Variants in EIF5 observed in about 807,000 individuals in gnomAD.
EIF5 encodes eukaryotic translation initiation factor 5.
Under a neutral mutation model 48.3 loss-of-function variants are expected in EIF5, and 10 were observed. The ratio of observed to expected loss-of-function variants is 0.21; its 90% CI spans 0.13 to 0.35. The LOEUF (loss-of-function observed/expected upper bound fraction) is 0.35, where lower values mean the gene tolerates loss of function less well. Among genes scored for constraint, EIF5 ranks in the 10% least tolerant of loss-of-function variants. The pLI is 1.00. For synonymous variants in EIF5, 237 were observed against 173.1 expected (o/e 1.37, Z -2.90); for missense variants, 397 against 533.2 (o/e 0.74, Z 2.51).
Position 103,337,012 on chromosome 14 carries a change from TG to T in EIF5, c.328-103del, listed in dbSNP as rs1188302477. The T allele has an allele frequency of 2.2e-6, 3 of 1,350,080 alleles. No homozygotes were observed. In the African/African-American group the frequency reaches 4.5e-5, roughly 20 times the overall value. 83.6% of individuals were successfully genotyped at this position (1,350,080 alleles called of 1,614,324 possible). A position where few individuals can be genotyped will look rare whatever the true frequency, so the allele number is the denominator to read the frequency against. On this transcript the variant is annotated intron_variant, in intron 5 of 11. Transcript: ENST00000216554. Reference sequence around the variant, plus strand: ...CTTTTTTTTAAAGTAGGTCACTGTGTGAAAAAAGTTTTCTTTGCATGTGAAG... The same window carrying T: ...CTTTTTTTTAAAGTAGGTCACTGTGTAAAAAAGTTTTCTTTGCATGTGAAG...
In EIF5 at chr14:103,342,589, T is replaced by C. The variant is rs188180915; in HGVS notation, c.*1537T>C. The C allele has an allele frequency of 2.6e-5, 4 of 152,608 alleles. No individual in the cohort carries two copies. The highest frequency in any genetic ancestry group is 2.6e-4 in the Admixed American group (4 of 15,304). The allele number at this position is 152,608 out of a possible 1,614,324, so 9.5% of individuals were successfully genotyped here. A position where few individuals can be genotyped will look rare whatever the true frequency, so the allele number is the denominator to read the frequency against. On this transcript the variant is annotated 3_prime_UTR_variant, in exon 12 of 12. Coordinates refer to ENST00000216554, the MANE Select transcript of EIF5 (RefSeq NM_001969.5). ...AATAACAAATAGGCGTAAAAAAATT[T>C]TCACATTGAAATGATAGAAACATTT...
intron 8 of EIF5, 60 bp downstream of exon 8, chr14:103,338,953 T>A (rs370173098): frequency 6.3e-7 from 1 of 1,575,744 alleles, no homozygotes. Flanking sequence ...TGCCTTTAGA[T>A]ATATGATACT....
intron 4 of EIF5, 60 bp from the exon 5 acceptor site, chr14:103,336,617 A>T: frequency 7.1e-7 from 1 of 1,411,664 alleles, no homozygotes; most frequent in South Asian, 1.4e-5. Context: ...TACAAATGTG[A>T]GTGAGTAGCC....
Position 103,337,139 on chromosome 14 carries a change from A to T in EIF5, c.351A>T (p.Thr117=), listed in dbSNP as rs1215961549. ...TDLHVNPKKQ[T]IGNSCKACGY... is the part of the protein sequence containing the mutation. ...AGCATGTCAATCCAAAGAAGCAAAC[A>T]ATAGGTAATTCTTGTAAAGCCTGTG... Residue 117 remains threonine (T), a synonymous_variant, in exon 6 of 12, where the codon ACA becomes ACT. Transcript: ENST00000216554. The T allele has an allele frequency of 1.2e-6, 2 of 1,611,950 alleles. No homozygotes were observed. Among genetic ancestry groups the T allele is most frequent in the Non-Finnish European group, 1.7e-6 (2 of 1,179,530 alleles).
chr14:103,340,054 A>T (rs562719667), intron 10 of EIF5, among the ~76,000 whole-genome samples: 3 of 152,188 alleles, frequency 2.0e-5, no homozygotes, highest in Admixed American at 2.0e-4. Flanking sequence ...ATGGGGTTTT[A>T]CCATGTTGGC....
intron 10 of EIF5, among the ~76,000 whole-genome samples, 199 bp from the exon 11 acceptor site, chr14:103,340,228 G>A (rs1379511249): frequency 2.6e-5 from 4 of 152,222 alleles, no homozygotes; most frequent in Non-Finnish European, 4.4e-5. Context: ...TGCCTGTGCT[G>A]TAGATTGTGA....
At position 103,341,212 on chromosome 14, in the gene EIF5, A is replaced by AT. The variant is rs1185895682; in HGVS notation, c.*161dup. On this transcript the variant is annotated 3_prime_UTR_variant, in exon 12 of 12. Transcript: ENST00000216554. ...TGTGAGTGGTCTGTTATTAAGCCCA[A>AT]TGAGACATCTAGGGAGTCCATACAC... is the stretch of plus-strand genomic sequence containing the variant. 1.6e-6 allele frequency: 1 copy of AT among 635,056 alleles called. No homozygotes were observed. The highest frequency in any genetic ancestry group is 2.8e-6 in the Non-Finnish European group (1 of 355,212). 39.3% of individuals were successfully genotyped at this position (635,056 alleles called of 1,614,324 possible). A position where few individuals can be genotyped will look rare whatever the true frequency, so the allele number is the denominator to read the frequency against.
chr14:103,338,524 G>A (rs2089316670), intron 7 of EIF5, 52 bp downstream of exon 7: 1 of 1,530,222 alleles, frequency 6.5e-7, no homozygotes, highest in South Asian at 1.2e-5. Context: ...TAAAGTATAT[G>A]GCATTTGGTT....
At chr14:103,337,925 T>G (rs1298341317) in intron 6 of EIF5, 1 of 526,202 alleles carries the variant, frequency 1.9e-6, no homozygotes, top group Admixed American at 1.9e-5. Flanking sequence ...TCTAACCTAT[T>G]CCGGTGTTCT....
At chr14:103,334,639 A>G (rs1050684339) in intron 2 of EIF5, 42 bp downstream of exon 2, 2 of 149,822 alleles carry the variant, frequency 1.3e-5, no homozygotes, top group Non-Finnish European at 3.0e-5. Context: ...GCGGCCGCAC[A>G]AGATGGCGGC....
rs1252173289 is a variant in EIF5 at position 103,340,549 on chromosome 14, T to G, written c.1194T>G (p.Asp398Glu). ...CTGGTGGCGAAGAAGAAGATGAAGATGAGAACATTGAGGTAAACATTGGGG... is the reference window on the plus strand; with the variant it reads ...CTGGTGGCGAAGAAGAAGATGAAGAGGAGAACATTGAGGTAAACATTGGGG... The part of the protein sequence containing the change: ...ESSGGEEEDE[D>E]ENIEVVYSKA... The change falls in exon 11 of 12, where the codon GAT (aspartate) becomes GAG (glutamate). Residue 398 changes from aspartate to glutamate, a missense_variant. Transcript: ENST00000216554. The G allele has an allele frequency of 6.2e-7, 1 of 1,611,606 alleles. No homozygotes were observed. The highest frequency in any genetic ancestry group is 8.5e-7 in the Non-Finnish European group (1 of 1,177,968).
rs533459104 is a variant in EIF5 at position 103,340,677 on chromosome 14, T to C, written c.1206+116T>C. 13 of 1,356,284 alleles carry C rather than the reference T, an allele frequency of 9.6e-6. No individual in the cohort carries two copies. The African/African-American group carries it at 1.2e-4, about 12-fold the overall frequency. 84.0% of individuals were successfully genotyped at this position (1,356,284 alleles called of 1,614,324 possible). On this transcript the variant is annotated intron_variant, in intron 11 of 11. Coordinates refer to ENST00000216554, the MANE Select transcript of EIF5 (RefSeq NM_001969.5). ...TTGGGGTAATTTCAGGTTTAGAATT[T>C]AAGATGCAGTAAAATACAGCCTCTC...
At position 103,344,052 on chromosome 14, in the gene EIF5, T is replaced by G. The variant is rs1057364806; in HGVS notation, c.*3000T>G. ...AACAGTGTTGCACTTTCGTTGCATG[T>G]GCTGTGTGACCCCAAGGGGACAGGG... On this transcript the variant is annotated 3_prime_UTR_variant, in exon 12 of 12. Coordinates refer to ENST00000216554, the MANE Select transcript of EIF5 (RefSeq NM_001969.5). The G allele has an allele frequency of 1.3e-5, 2 of 152,222 alleles. No homozygotes were observed. Among genetic ancestry groups the G allele is most frequent in the East Asian group, 3.8e-4 (2 of 5,198 alleles). The allele number at this position is 152,222 out of a possible 1,614,324, so 9.4% of individuals were successfully genotyped here.
In EIF5 at chr14:103,338,912, C is replaced by G. The variant is rs1479731010; in HGVS notation, c.744+19C>G. 1.9e-6 allele frequency: 3 copies of G among 1,610,160 alleles called. No homozygotes were observed. The highest frequency in any genetic ancestry group is 2.2e-5 in the South Asian group (2 of 90,392). On this transcript the variant is annotated intron_variant, in intron 8 of 11. Coordinates refer to ENST00000216554, the MANE Select transcript of EIF5 (RefSeq NM_001969.5). The stretch of plus-strand genomic sequence containing the variant: ...TGTTAAGGTAAAACATTTGCTTGGT[C>G]TGTAAATCAGCTTCAACCCAGCCTT...
intron 2 of EIF5, 22 bp from the exon 3 acceptor site, chr14:103,335,631 G>A (rs2089276156): frequency 1.8e-6 from 1 of 567,464 alleles, no homozygotes; most frequent in Non-Finnish European, 3.1e-6. Flanking sequence ...ATTTTTGTGT[G>A]TTCTTTCCCT....
chr14:103,338,012 C>CT (rs749113819), intron 6 of EIF5: 1 of 565,140 alleles, frequency 1.8e-6, no homozygotes, highest in South Asian at 1.4e-5. Context: ...GAGTTAATGA[C>CT]TTTGTTCATG....
chr14:103,336,613 TG>T, intron 4 of EIF5, 63 bp from the exon 5 acceptor site: 1 of 1,481,718 alleles, frequency 6.7e-7, no homozygotes, highest in Non-Finnish European at 9.0e-7. Flanking sequence ...TTCGTACAAA[TG>T]TGAGTGAGTA....
chr14:103,336,212 A>G, intron 4 of EIF5, 95 bp downstream of exon 4: 3 of 1,228,090 alleles, frequency 2.4e-6, no homozygotes, highest in Non-Finnish European at 3.4e-6. Flanking sequence ...ATGCTAGCTA[A>G]TTACCTTACA....
intron 6 of EIF5, chr14:103,337,700 A>C (rs1488748320): frequency 5.2e-6 from 2 of 384,710 alleles, no homozygotes; most frequent in Non-Finnish European, 1.0e-5. Context: ...GGTGAAAAAT[A>C]GGCTGCCAAT....
Sources: gnomAD v4.1 joint callset for allele counts (sites outside exome capture counted in the v4.1 genomes callset) on GRCh38, gnomAD v4.1.1 for gene constraint, MANE v1.5 for transcripts, NCBI Gene and HGNC (gene_info 2026-07-23, HGNC 2026-07-21) for gene names.